Variants in KLF13 observed in about 807,000 individuals in gnomAD.
The protein encoded by KLF13 is Krueppel-like factor 13.
Under a neutral mutation model 16.7 loss-of-function variants are expected in KLF13, and 8 were observed. The observed-to-expected ratio is 0.48, with a 90% CI of 0.28 to 0.87. The LOEUF (loss-of-function observed/expected upper bound fraction) is 0.87, where lower values mean the gene tolerates loss of function less well. Ranked by LOEUF, KLF13 falls within the 40% of genes least tolerant of loss-of-function variation. KLF13 has a pLI of 0.10. For synonymous variants in KLF13, 245 were observed against 208.4 expected, an observed-to-expected ratio of 1.18 and a Z score of -1.51; for missense variants, 447 against 452.2, an observed-to-expected ratio of 0.99 and a Z score of 0.10.
chr15:31,422,760 C>T lies in KLF13; in HGVS notation n.118-12610C>T, dbSNP rs370709445. On this transcript the variant is annotated intron_variant and non_coding_transcript_variant, in intron 1 of 1. Transcript: ENST00000558225. ...ATAAAAGAATCAATTTTCAGCTGGG[C>T]GCAGTGGCTCAGGCCTATAATCTCA... Among the ~76,000 whole-genome samples, 5 of 152,140 alleles carry T rather than the reference C, an allele frequency of 3.3e-5. No homozygotes were observed. The East Asian group carries it at 5.8e-4, about 18-fold the overall frequency.
rs1375016084 is a variant in KLF13, at chr15:31,372,293, G to T, written c.861G>T (p.Ser287=). 6.8e-7 allele frequency: 1 copy of T among 1,464,214 alleles called. No individual in the cohort carries two copies. Among genetic ancestry groups the T allele is most frequent in the East Asian group, 2.5e-5 (1 of 40,128 alleles). 90.7% of individuals were successfully genotyped at this position (1,464,214 alleles called of 1,614,324 possible). The change falls in exon 2 of 2, where the codon TCG becomes TCT. Residue 287 remains serine (S), a synonymous_variant. Coordinates refer to ENST00000307145, the MANE Select transcript of KLF13 (RefSeq NM_015995.4). Reference sequence around the variant, plus strand: ...GCCCCACCATCAGCCCGGCCAGCTCGCCCTGAGCCCGCCACAGCCATGAGC... The same window carrying T: ...GCCCCACCATCAGCCCGGCCAGCTCTCCCTGAGCCCGCCACAGCCATGAGC... ...ASSPTISPAS[S]P is the part of the protein sequence containing the mutation.
At chr15:31,359,848 C>A (rs986669312) in intron 1 of KLF13, among the ~76,000 whole-genome samples, 1 of 152,184 alleles carries the variant, frequency 6.6e-6, no homozygotes, top group Admixed American at 6.5e-5. Flanking sequence ...CCTCGTCTAC[C>A]CCATCCAACA....
intron 1 of KLF13, among the ~76,000 whole-genome samples, chr15:31,353,369 C>T: frequency 6.6e-6 from 1 of 152,034 alleles, no homozygotes; most frequent in East Asian, 1.9e-4. Context: ...GGTGTTGCCT[C>T]CTGGCTGTAG....
intron 1 of KLF13, among the ~76,000 whole-genome samples, chr15:31,426,584 T>C (rs1444272712): frequency 1.3e-5 from 2 of 152,208 alleles, no homozygotes; most frequent in Admixed American, 6.5e-5. Flanking sequence ...CTAGAATATA[T>C]AAAGAACATT....
At chr15:31,348,675 TG>T (rs1233529250) in intron 1 of KLF13, among the ~76,000 whole-genome samples, 3 of 152,164 alleles carry the variant, frequency 2.0e-5, no homozygotes, top group South Asian at 4.2e-4. Context: ...TGGGCTCCAG[TG>T]GGGTGTCTCG....
At chr15:31,352,086 A>C (rs1371823427) in intron 1 of KLF13, among the ~76,000 whole-genome samples, 1 of 151,970 alleles carries the variant, frequency 6.6e-6, no homozygotes, top group Non-Finnish European at 1.5e-5. Flanking sequence ...TACACACAAC[A>C]ACAAAAAAAG....
chr15:31,422,852 T>C (rs1175788582), intron 1 of KLF13, among the ~76,000 whole-genome samples: 1 of 151,776 alleles, frequency 6.6e-6, no homozygotes, highest in Non-Finnish European at 1.5e-5. Flanking sequence ...CTGGCCAACA[T>C]GGCAAAACCC....
intron 1 of KLF13, among the ~76,000 whole-genome samples, chr15:31,433,199 T>C (rs928249441): frequency 6.6e-6 from 1 of 152,314 alleles, no homozygotes; most frequent in Middle Eastern, 3.4e-3. Flanking sequence ...GAGTTTAGGC[T>C]ACCCACTGAG....
intron 1 of KLF13, among the ~76,000 whole-genome samples, chr15:31,330,553 G>A (rs796222982): frequency 5.3e-5 from 8 of 152,328 alleles, no homozygotes; most frequent in African/African-American, 1.9e-4. Context: ...TTTGAGAAGT[G>A]CAAGGGTCAG....
intron 1 of KLF13, among the ~76,000 whole-genome samples, chr15:31,413,205 A>AAAAAAAAAAAAAAC (rs1566843729): frequency 2.2e-5 from 3 of 134,704 alleles, no homozygotes; most frequent in Non-Finnish European, 5.0e-5. Context: ...AAAAAAAACA[A>AAAAAAAAAAAAAAC]AAAACAAAAA....
intron 1 of KLF13, among the ~76,000 whole-genome samples, chr15:31,354,335 A>G (rs1033124332): frequency 2.6e-5 from 4 of 152,244 alleles, no homozygotes; most frequent in Non-Finnish European, 5.9e-5. Context: ...GCCTCCAGGC[A>G]GGGCCTAGGG....
Position 31,352,375 on chromosome 15 carries a change from C to T in KLF13, c.578-19635C>T, listed in dbSNP as rs116263284. ...TCTGCCCTACAGGCTCCCTTGGTCCCGCTCAGAATGCACAGACCTGACCGT... is the reference window on the plus strand; with the variant it reads ...TCTGCCCTACAGGCTCCCTTGGTCCTGCTCAGAATGCACAGACCTGACCGT... On this transcript the variant is annotated intron_variant, in intron 1 of 1. Transcript: ENST00000307145. Among the ~76,000 whole-genome samples the T allele has an allele frequency of 2.3e-3, 349 of 152,346 alleles. 2 individuals are homozygous for T. The highest frequency in any genetic ancestry group is 7.9e-3 in the African/African-American group (327 of 41,586).
At chr15:31,421,036 G>C (rs1025298316) in intron 1 of KLF13, among the ~76,000 whole-genome samples, 3 of 152,030 alleles carry the variant, frequency 2.0e-5, no homozygotes, top group Non-Finnish European at 4.4e-5. Flanking sequence ...TTCCTTTGAT[G>C]GTCTGTCCTG....
At chr15:31,399,413 C>T (rs1202252982) in intron 2 of KLF13, among the ~76,000 whole-genome samples, 1 of 152,212 alleles carries the variant, frequency 6.6e-6, no homozygotes, top group African/African-American at 2.4e-5. Context: ...GATCCACCCA[C>T]CTCGGCCTCC....
downstream of KLF13, among the ~76,000 whole-genome samples, chr15:31,381,948 G>T (rs2039732808): frequency 6.6e-6 from 1 of 152,208 alleles, no homozygotes; most frequent in Admixed American, 6.5e-5. Flanking sequence ...TGGGCCTTCA[G>T]CTCTGAGCAG....
upstream of KLF13, among the ~76,000 whole-genome samples, chr15:31,392,538 C>T (rs1053214448): frequency 6.6e-6 from 1 of 152,214 alleles, no homozygotes; most frequent in Non-Finnish European, 1.5e-5. Context: ...CCTGGGTCCT[C>T]TACGCGCGCG....
downstream of KLF13, among the ~76,000 whole-genome samples, chr15:31,381,924 G>A (rs549414742): frequency 2.2e-4 from 33 of 152,328 alleles, no homozygotes; most frequent in Admixed American, 8.5e-4. Flanking sequence ...TGGTGTCTCC[G>A]TGCCAGACGC....
chr15:31,424,318 C>G (rs1478787559), intron 1 of KLF13, among the ~76,000 whole-genome samples: 1 of 152,040 alleles, frequency 6.6e-6, no homozygotes, highest in Non-Finnish European at 1.5e-5. Flanking sequence ...CAAAAATCCT[C>G]AACAAAATAC....
chr15:31,435,507 C>T (rs1246792149), exon 2 of KLF13: 2 of 152,224 alleles, frequency 1.3e-5, no homozygotes, highest in African/African-American at 4.8e-5. Flanking sequence ...GACACGCCCT[C>T]CAGTGTCTGT....
Sources: gnomAD v4.1 joint callset for allele counts (sites outside exome capture counted in the v4.1 genomes callset) on GRCh38, gnomAD v4.1.1 for gene constraint, MANE v1.5 for transcripts, NCBI Gene and HGNC (gene_info 2026-07-23, HGNC 2026-07-21) for gene names.